SPAG17: variants seen among roughly 807,000 people sequenced by gnomAD.
The protein encoded by SPAG17 is sperm-associated antigen 17.
In SPAG17, 169 loss-of-function variants were observed where a neutral mutation model predicts 273.6. That is an observed-to-expected ratio of 0.62 (90% CI 0.55 to 0.70). The LOEUF is 0.70. SPAG17 is among the 30% of genes least tolerant of loss of function. The pLI, the probability that SPAG17 is intolerant of heterozygous loss-of-function variation, is 0.00. For synonymous variants in SPAG17, 825 were observed against 873.2 expected, an observed-to-expected ratio of 0.94 and a Z score of 0.97; for missense variants, 2,557 against 2,627.8, an observed-to-expected ratio of 0.97 and a Z score of 0.59.
intron 19 of SPAG17, among the ~76,000 whole-genome samples, chr1:118,055,055 C>T (rs185137492): frequency 1.2e-4 from 18 of 152,164 alleles, no homozygotes; most frequent in Middle Eastern, 3.4e-3. Context: ...ATTATCTCAA[C>T]GTTTCACTTC....
Position 118,055,813 on chromosome 1 carries a change from C to G in SPAG17, c.2642G>C (p.Arg881Thr). Residue 881 changes from arginine to threonine, a missense_variant, in exon 19 of 49, where the codon AGA becomes ACA. Arg to Thr is a moderately conservative substitution (Grantham distance 71). Transcript: ENST00000336338. ...SKMNEKIIRTRAELELKSSAN... is the reference protein window; with the variant it reads ...SKMNEKIIRTTAELELKSSAN... ...AGAAGATTTCAATTCCAGCTCAGCT[C>G]TGGTCCTGATGATTTTCTCATTCAT... 1 of 1,613,274 alleles carries G rather than the reference C, an allele frequency of 6.2e-7. No homozygotes were observed. The highest frequency in any genetic ancestry group is 8.5e-7 in the Non-Finnish European group (1 of 1,179,674).
chr1:118,159,293 T>C (rs1659798817), intron 1 of SPAG17, among the ~76,000 whole-genome samples: 1 of 152,226 alleles, frequency 6.6e-6, no homozygotes, highest in Non-Finnish European at 1.5e-5. Context: ...TTCATAAATA[T>C]TAAATGTGAC....
intron 5 of SPAG17, among the ~76,000 whole-genome samples, chr1:118,100,741 TAAC>T (rs907854945): frequency 2.6e-4 from 39 of 152,164 alleles, no homozygotes; most frequent in African/African-American, 8.4e-4. Context: ...AATATGCAGA[TAAC>T]AACAGGTAGC....
Position 118,086,001 on chromosome 1 carries a change from A to G in SPAG17, c.1683T>C (p.Leu561=). The G allele has an allele frequency of 6.2e-7, 1 of 1,613,810 alleles. No individual in the cohort carries two copies. Among genetic ancestry groups the G allele is most frequent in the South Asian group, 1.1e-5 (1 of 91,032 alleles). ...MQSKLPLWEF[L]QFPLPPPWNN... ...TCCATGGTGGGGGTAGAGGGAATTGAAGAAATTCCCACAGTGGCAACTTGG... is the reference window on the plus strand; with the variant it reads ...TCCATGGTGGGGGTAGAGGGAATTGGAGAAATTCCCACAGTGGCAACTTGG... Residue 561 remains leucine, a synonymous_variant, in exon 13 of 49, where the codon CTT becomes CTC. Coordinates refer to ENST00000336338, the MANE Select transcript of SPAG17 (RefSeq NM_206996.4).
chr1:118,156,462 C>G (rs1400955716), intron 1 of SPAG17, among the ~76,000 whole-genome samples: 1 of 152,146 alleles, frequency 6.6e-6, no homozygotes, highest in African/African-American at 2.4e-5. Flanking sequence ...CCCTGGAGTC[C>G]TTTAGGAGGA....
intron 18 of SPAG17, among the ~76,000 whole-genome samples, chr1:118,056,999 G>A (rs1379300163): frequency 2.7e-5 from 4 of 148,306 alleles, no homozygotes; most frequent in Admixed American, 6.7e-5. Flanking sequence ...TTTTGAGACT[G>A]AGTCTCGCTC....
At chr1:118,048,890 C>T (rs1420255389) in intron 20 of SPAG17, among the ~76,000 whole-genome samples, 1 of 151,716 alleles carries the variant, frequency 6.6e-6, no homozygotes, top group Admixed American at 6.6e-5. Context: ...AGCGAGACTC[C>T]ATCTAAAAAA....
chr1:118,163,614 C>T (rs1421912912), intron 1 of SPAG17, among the ~76,000 whole-genome samples: 1 of 151,328 alleles, frequency 6.6e-6, no homozygotes, highest in Non-Finnish European at 1.5e-5. Context: ...ATCTCTCCCT[C>T]GCCTCGCCTT....
chr1:118,037,467 C>G (rs1649214044), intron 23 of SPAG17, among the ~76,000 whole-genome samples: 2 of 152,042 alleles, frequency 1.3e-5, no homozygotes, highest in African/African-American at 4.8e-5. Flanking sequence ...GAGCATAGTA[C>G]CTGATAGGTA....
At chr1:118,101,238 G>T (rs1656047283) in intron 5 of SPAG17, among the ~76,000 whole-genome samples, 1 of 152,118 alleles carries the variant, frequency 6.6e-6, no homozygotes. Context: ...AACATAGAGA[G>T]ATCCTGTCTC....
intron 25 of SPAG17, among the ~76,000 whole-genome samples, chr1:118,029,795 T>C (rs774182909): frequency 3.9e-5 from 6 of 152,328 alleles, no homozygotes; most frequent in Admixed American, 2.6e-4. Context: ...TTGTGGATAT[T>C]TGTTTTTTTC....
intron 18 of SPAG17, among the ~76,000 whole-genome samples, chr1:118,064,139 A>G (rs1230958435): frequency 2.0e-5 from 3 of 152,144 alleles, no homozygotes; most frequent in African/African-American, 7.2e-5. Flanking sequence ...CTGTTGCTGG[A>G]ACTGTAAACT....
At chr1:117,954,653 CTTTG>C (rs1481312881) in intron 48 of SPAG17, 4 of 1,605,700 alleles carry the variant, frequency 2.5e-6, no homozygotes, top group South Asian at 2.2e-5. Context: ...AACGGTTTTC[CTTTG>C]TTTATTAAAA....
At chr1:118,084,810 CT>C (rs113920034) in intron 13 of SPAG17, among the ~76,000 whole-genome samples, 1,647 of 151,564 alleles carry the variant, frequency 0.011, 28 homozygotes, top group African/African-American at 0.038. Context: ...AGAATGTTTT[CT>C]TTTTTTTTCC....
At chr1:118,131,164 A>G (rs1658032580) in intron 3 of SPAG17, among the ~76,000 whole-genome samples, 1 of 152,160 alleles carries the variant, frequency 6.6e-6, no homozygotes, top group Non-Finnish European at 1.5e-5. Context: ...GGTTCCTTTC[A>G]AAATTCTTTT....
chr1:118,023,259 AG>A (rs1428806031), intron 28 of SPAG17, 44 bp downstream of exon 28: 1 of 1,510,446 alleles, frequency 6.6e-7, no homozygotes, highest in Admixed American at 1.9e-5. Context: ...AAGCCCTTGA[AG>A]GCTTTACTAA....
intron 31 of SPAG17, 27 bp downstream of exon 31, chr1:118,008,015 GGC>G: frequency 6.2e-7 from 1 of 1,613,158 alleles, no homozygotes; most frequent in African/African-American, 1.3e-5. Flanking sequence ...ACTCATCTTT[GGC>G]GCTTCTCATT....
intron 1 of SPAG17, among the ~76,000 whole-genome samples, chr1:118,178,279 G>C (rs1008153039): frequency 2.0e-5 from 3 of 152,040 alleles, no homozygotes; most frequent in Admixed American, 2.0e-4. Flanking sequence ...GGAATGCGAG[G>C]ATGGCTTAAC....
intron 3 of SPAG17, among the ~76,000 whole-genome samples, chr1:118,131,899 A>G (rs552410026): frequency 1.3e-5 from 2 of 152,306 alleles, no homozygotes; most frequent in Admixed American, 6.5e-5. Context: ...TTATGGATTA[A>G]CTTGGCCCAC....
Sources: allele counts gnomAD v4.1 joint callset (sites outside exome capture counted in the v4.1 genomes callset), GRCh38; gene constraint gnomAD v4.1.1; transcripts MANE v1.5; gene names NCBI Gene and HGNC (gene_info 2026-07-23, HGNC 2026-07-21).